ESRRB: variants seen among roughly 807,000 people sequenced by gnomAD.
ESRRB encodes the protein estrogen related receptor beta, also known as steroid hormone receptor ERR2.
ESRRB carries 16 observed loss-of-function variants against 46.0 expected under a neutral mutation model. The observed-to-expected ratio is 0.35, with a 90% CI of 0.24 to 0.53. The LOEUF (loss-of-function observed/expected upper bound fraction) is 0.53, where lower values mean the gene tolerates loss of function less well. ESRRB is among the 20% of genes least tolerant of loss of function. ESRRB has a pLI of 0.93. For missense variants in ESRRB, 488 were observed against 607.4 expected, an observed-to-expected ratio of 0.80 and a Z score of 2.07; for synonymous variants, 246 against 259.6, an observed-to-expected ratio of 0.95 and a Z score of 0.50.
At chr14:76,371,242 T>G (rs1372452064), upstream of ESRRB, 2 of 152,236 alleles carry the variant, frequency 1.3e-5, no homozygotes, top group Non-Finnish European at 1.5e-5. Context: ...CAGTTAATTA[T>G]GATCCTTGGG....
chr14:76,341,869 C>T (rs1039761455), intron 1 of ESRRB, among the ~76,000 whole-genome samples: 3 of 152,216 alleles, frequency 2.0e-5, no homozygotes, highest in African/African-American at 7.2e-5. Context: ...AAAGCTTTGG[C>T]AAATTCATGC....
At chr14:76,360,043 G>A (rs1281692389) in intron 1 of ESRRB, among the ~76,000 whole-genome samples, 1 of 152,132 alleles carries the variant, frequency 6.6e-6, no homozygotes, top group Non-Finnish European at 1.5e-5. Flanking sequence ...TAAGGCTAAA[G>A]TCAGGTTGCC....
upstream of ESRRB, among the ~76,000 whole-genome samples, chr14:76,369,414 C>T (rs1300540794): frequency 6.6e-6 from 1 of 151,504 alleles, no homozygotes; most frequent in Admixed American, 6.6e-5. Context: ...GCTGGGACTA[C>T]AGGCACACAC....
intron 3 of ESRRB, among the ~76,000 whole-genome samples, chr14:76,469,941 TTTC>T (rs1566603854): frequency 8.5e-4 from 103 of 120,554 alleles, no homozygotes; most frequent in Non-Finnish European, 1.3e-3. Context: ...TTTTTTTTTT[TTTC>T]TTTTTTTTTT....
chr14:76,344,805 C>T (rs927361341), intron 1 of ESRRB, among the ~76,000 whole-genome samples: 2 of 149,756 alleles, frequency 1.3e-5, no homozygotes, highest in Non-Finnish European at 3.0e-5. Context: ...TGAGCTGAGA[C>T]GGTGCCACTG....
At chr14:76,450,919 T>G (rs538977755) in intron 2 of ESRRB, among the ~76,000 whole-genome samples, 1 of 152,270 alleles carries the variant, frequency 6.6e-6, no homozygotes, top group East Asian at 1.9e-4. Context: ...ACCCACAAAA[T>G]GTTAGCTATC....
chr14:76,384,997 A>G (rs1885163049), intron 1 of ESRRB, among the ~76,000 whole-genome samples: 1 of 152,072 alleles, frequency 6.6e-6, no homozygotes, highest in Non-Finnish European at 1.5e-5. Context: ...CCAGACCTGA[A>G]GCCTGCTCAC....
At position 76,446,387 on chromosome 14, in the gene ESRRB, G is replaced by C. The variant is rs113230011; in HGVS notation, c.460+6637G>C. On this transcript the variant is annotated intron_variant, in intron 2 of 6. Coordinates refer to ENST00000644823, the MANE Select transcript of ESRRB (RefSeq NM_001379180.1). Reference sequence around the variant, plus strand: ...GTTGTTCGTTTTTTTTTTTTGTTTTGTTTTTGTTTTTGTCGCTGGGGGCTG... The same window carrying C: ...GTTGTTCGTTTTTTTTTTTTGTTTTCTTTTTGTTTTTGTCGCTGGGGGCTG... Among the ~76,000 whole-genome samples the C allele has an allele frequency of 1.5e-3, 221 of 144,576 alleles. 1 individual carries two copies. Among genetic ancestry groups the C allele is most frequent in the African/African-American group, 5.4e-3 (211 of 39,236 alleles). The allele number at this position is 144,576 out of a possible 152,430, so 94.8% of individuals were successfully genotyped here.
chr14:76,383,147 T>C (rs772941630), intron 1 of ESRRB, among the ~76,000 whole-genome samples: 1 of 152,238 alleles, frequency 6.6e-6, no homozygotes, highest in African/African-American at 2.4e-5. Flanking sequence ...AAATCCTGCA[T>C]TTAAAACTGT....
intron 1 of ESRRB, among the ~76,000 whole-genome samples, chr14:76,396,257 A>G (rs1259212820): frequency 6.6e-6 from 1 of 152,232 alleles, no homozygotes; most frequent in East Asian, 1.9e-4. Flanking sequence ...AATACAGGCA[A>G]CATAGAGTTG....
At chr14:76,465,885 C>G (rs1440583323) in intron 3 of ESRRB, among the ~76,000 whole-genome samples, 1 of 152,252 alleles carries the variant, frequency 6.6e-6, no homozygotes, top group African/African-American at 2.4e-5. Flanking sequence ...TTTCTGTCCC[C>G]TGCAGGGCCT....
At chr14:76,361,877 C>T (rs971914563) in intron 1 of ESRRB, among the ~76,000 whole-genome samples, 1 of 152,190 alleles carries the variant, frequency 6.6e-6, no homozygotes, top group Non-Finnish European at 1.5e-5. Context: ...GCTGCAGTCA[C>T]ATTTGGGAAG....
rs1888051262 is a variant in ESRRB at position 76,444,504 on chromosome 14, AGGGACGT to A, written c.460+4757_460+4763del. Among the ~76,000 whole-genome samples, 4 of 151,852 alleles carry A rather than the reference AGGGACGT, an allele frequency of 2.6e-5. 1 individual carries two copies. The South Asian group carries it at 8.3e-4, about 32-fold the overall frequency. On this transcript the variant is annotated intron_variant, in intron 2 of 6. Transcript: ENST00000644823. ...GGTGCAGAGGGGGAGCAGGAGAGAA[AGGGACGT>A]GGTTCTTTCCCTAAGAAGCTGGAAT...
intron 1 of ESRRB, among the ~76,000 whole-genome samples, chr14:76,387,256 A>T (rs940873920): frequency 1.3e-5 from 2 of 152,206 alleles, no homozygotes; most frequent in African/African-American, 4.8e-5. Flanking sequence ...CTCTCAGAAC[A>T]GCACAGTCGC....
At position 76,438,395 on chromosome 14, in the gene ESRRB, C is replaced by T. The variant is rs7159968; in HGVS notation, c.51-946C>T. 7.7e-4 allele frequency among the ~76,000 whole-genome samples: 118 copies of T among 152,312 alleles called. 1 individual carries two copies. The highest frequency in any genetic ancestry group is 6.8e-3 in the Middle Eastern group (2 of 294). On this transcript the variant is annotated intron_variant, in intron 1 of 6. Transcript: ENST00000644823. ...TGTAGCCATTGGCTGGGTGCAGTGG[C>T]TCACACCTGTAATCCCAACAGTTTG...
intron 1 of ESRRB, among the ~76,000 whole-genome samples, chr14:76,425,857 G>A (rs142787599): frequency 0.014 from 2,155 of 152,172 alleles, 59 homozygotes; most frequent in African/African-American, 0.049. Context: ...CTGAGTAGCT[G>A]GGATTACAGG....
upstream of ESRRB, among the ~76,000 whole-genome samples, chr14:76,366,931 T>C (rs113647290): frequency 1.3e-5 from 2 of 152,314 alleles, no homozygotes; most frequent in African/African-American, 4.8e-5. Context: ...CTGTACTCAC[T>C]GTGTGCCCCC....
rs1432995080 is a variant in ESRRB, at chr14:76,327,984, G to T, written c.2+17068G>T. Among the ~76,000 whole-genome samples, 3 of 152,070 alleles carry T rather than the reference G, an allele frequency of 2.0e-5. No homozygotes were observed. The East Asian group carries it at 5.8e-4, about 29-fold the overall frequency. ...CCACCTCGGCCTCCCAAAGTGCTGG[G>T]GTTACAGGCGTGAGCCACTGTGCCC... On this transcript the variant is annotated intron_variant, in intron 1 of 6. Transcript: ENST00000512784.
At chr14:76,418,780 TA>T (rs1219554735) in intron 1 of ESRRB, among the ~76,000 whole-genome samples, 1 of 152,146 alleles carries the variant, frequency 6.6e-6, no homozygotes, top group East Asian at 1.9e-4. Context: ...CATGCCTGGC[TA>T]ATTTTTCTAT....
Sources: gnomAD v4.1 joint callset for allele counts (sites outside exome capture counted in the v4.1 genomes callset) on GRCh38, gnomAD v4.1.1 for gene constraint, MANE v1.5 for transcripts, NCBI Gene and HGNC (gene_info 2026-07-23, HGNC 2026-07-21) for gene names.